The following TYRP1 variants were observed in gnomAD, a reference collection of about 807,000 sequenced individuals.
TYRP1 encodes the protein tyrosinase related protein 1, also known as 5,6-dihydroxyindole-2-carboxylic acid oxidase.
In TYRP1, 49 loss-of-function variants were observed where a neutral mutation model predicts 42.8. That is an observed-to-expected ratio of 1.14 (90% CI 0.91 to 1.45). TYRP1 has a LOEUF of 1.45. TYRP1 is among the 40% of genes most tolerant of loss of function. TYRP1 has a pLI of 0.00. For missense variants in TYRP1, 848 were observed against 662.0 expected, an observed-to-expected ratio of 1.28 and a Z score of -3.08; for synonymous variants, 279 against 235.4, an observed-to-expected ratio of 1.19 and a Z score of -1.69.
intron 3 of TYRP1, among the ~76,000 whole-genome samples, chr9:12,698,143 A>AC (rs1818106361): frequency 6.6e-6 from 1 of 152,124 alleles, no homozygotes; most frequent in Non-Finnish European, 1.5e-5. Context: ...TATAACCAAT[A>AC]TAAATGTAAT....
In TYRP1 at chr9:12,704,587, T is replaced by A; in HGVS notation, c.1143T>A (p.His381Gln). Reference protein sequence around the residue: ...PAVRSLHNLAHLFLNGTGGQT... With the variant: ...PAVRSLHNLAQLFLNGTGGQT... ...TTCGAAGTCTTCACAATTTGGCTCATCTATTCCTGAATGGAACAGGGGGAC... is the reference window on the plus strand; with the variant it reads ...TTCGAAGTCTTCACAATTTGGCTCAACTATTCCTGAATGGAACAGGGGGAC... The change falls in exon 6 of 8, where the codon CAT becomes CAA. Residue 381 changes from histidine to glutamine, a missense_variant. His to Gln is a conservative substitution (Grantham distance 24). Transcript: ENST00000388918. 6.2e-7 allele frequency: 1 copy of A among 1,613,208 alleles called. No homozygotes were observed. The highest frequency in any genetic ancestry group is 8.5e-7 in the Non-Finnish European group (1 of 1,179,492).
Position 12,698,565 on chromosome 9 carries a change from A to T in TYRP1, c.823A>T (p.Thr275Ser), listed in dbSNP as rs182508840. Residue 275 changes from threonine to serine, a missense_variant, in exon 4 of 8, where the codon ACT (threonine) becomes TCT (serine). By Grantham distance (58) the Thr-to-Ser change is moderately conservative. Coordinates refer to ENST00000388918, the MANE Select transcript of TYRP1 (RefSeq NM_000550.3). Reference protein sequence around the residue: ...LMGSRSNFDSTLISPNSVFSQ... With the variant: ...LMGSRSNFDSSLISPNSVFSQ... ...GGGATCCAGAAGCAACTTTGATTCC[A>T]CTCTAATAAGCCCAAACTCTGTCTT... The T allele has an allele frequency of 5.5e-5, 88 of 1,613,764 alleles. No individual in the cohort carries two copies. In the East Asian group the frequency reaches 8.0e-4, roughly 15 times the overall value.
chr9:12,708,940 T>C, intron 7 of TYRP1, 37 bp from the exon 8 acceptor site: 1 of 1,544,172 alleles, frequency 6.5e-7, no homozygotes, highest in Non-Finnish European at 8.9e-7. Flanking sequence ...ACTATTTTAA[T>C]ATTTGTCTTT....
In TYRP1 at chr9:12,709,039, G is replaced by GCACT. The variant is rs1563858593; in HGVS notation, c.1474_1477dup (p.Ile493ThrfsTer18). ...AGTAGTTGGCGCTTTGTTACTGGTT[G>GCACT]CACTCATTTTTGGGACTGCTTCTTA... On this transcript the variant is annotated frameshift_variant, in exon 8 of 8. Coordinates refer to ENST00000388918, the MANE Select transcript of TYRP1 (RefSeq NM_000550.3). LOFTEE classifies it high-confidence loss of function. The GCACT allele has an allele frequency of 6.2e-7, 1 of 1,612,764 alleles. No homozygotes were observed. Among genetic ancestry groups the GCACT allele is most frequent in the Non-Finnish European group, 8.5e-7 (1 of 1,179,266 alleles).
intron 6 of TYRP1, among the ~76,000 whole-genome samples, chr9:12,706,400 T>C (rs958939105): frequency 5.3e-5 from 8 of 152,044 alleles, no homozygotes; most frequent in Non-Finnish European, 1.2e-4. Context: ...TTATTTCACA[T>C]TGATAGCAAG....
chr9:12,701,680 T>C (rs1818171193), intron 4 of TYRP1: 1 of 152,666 alleles, frequency 6.6e-6, no homozygotes, highest in Admixed American at 6.6e-5. Flanking sequence ...AAGGCTCCTA[T>C]CATATTATCT....
intron 3 of TYRP1, among the ~76,000 whole-genome samples, chr9:12,698,022 A>G (rs1195964151): frequency 6.6e-6 from 1 of 152,174 alleles, no homozygotes; most frequent in Non-Finnish European, 1.5e-5. Flanking sequence ...AACATATTTT[A>G]AGGCTGGATC....
Position 12,709,398 on chromosome 9 carries a change from A to C in TYRP1, c.*216A>C. 1.8e-6 allele frequency: 1 copy of C among 564,622 alleles called. No homozygotes were observed. Among genetic ancestry groups the C allele is most frequent in the Non-Finnish European group, 3.2e-6 (1 of 316,338 alleles). 35.0% of individuals were successfully genotyped at this position (564,622 alleles called of 1,614,324 possible). On this transcript the variant is annotated 3_prime_UTR_variant, in exon 8 of 8. Transcript: ENST00000388918. ...TTTTCAGTTCTATTTAAAATGGTGA[A>C]TGACACTAAACTCCATGATATTTAA... is the stretch of plus-strand genomic sequence containing the variant.
At chr9:12,708,282 A>C in intron 7 of TYRP1, 139 bp downstream of exon 7, 3 of 1,062,330 alleles carry the variant, frequency 2.8e-6, no homozygotes, top group South Asian at 2.9e-5. Context: ...TTATTTGAGG[A>C]TAAGGGAAGG....
At position 12,708,103 on chromosome 9, in the gene TYRP1, T is replaced by C. The variant is rs1237117124; in HGVS notation, c.1368T>C (p.Ala456=). ...PVTNTEMFVT[A]PDNLGYTYEI... is the part of the protein sequence containing the mutation. ...CCAACACAGAAATGTTTGTTACTGC[T>C]CCAGACAACCTGGGATACACTTATG... is the stretch of plus-strand genomic sequence containing the variant. Residue 456 remains alanine (A), a synonymous_variant, in exon 7 of 8, where the codon GCT becomes GCC. Transcript: ENST00000388918. 1.2e-6 allele frequency: 2 copies of C among 1,612,844 alleles called. No individual in the cohort carries two copies. Among genetic ancestry groups the C allele is most frequent in the Non-Finnish European group, 1.7e-6 (2 of 1,179,306 alleles).
intron 6 of TYRP1, chr9:12,707,631 C>A: frequency 4.6e-6 from 1 of 216,014 alleles, no homozygotes; most frequent in Non-Finnish European, 9.1e-6. Flanking sequence ...GAGCTGTATG[C>A]CACAGCAAAT....
intron 4 of TYRP1, 53 bp downstream of exon 4, chr9:12,698,708 T>A: frequency 1.3e-6 from 2 of 1,542,572 alleles, no homozygotes; most frequent in Non-Finnish European, 1.8e-6. Context: ...ATAAAGAGAT[T>A]AAATATGTTG....
intron 3 of TYRP1, among the ~76,000 whole-genome samples, chr9:12,697,063 C>T (rs1437802183): frequency 6.6e-6 from 1 of 152,098 alleles, no homozygotes; most frequent in Non-Finnish European, 1.5e-5. Flanking sequence ...TCATCTGATA[C>T]TCTGAACGTC....
Position 12,709,280 on chromosome 9 carries a change from T to A in TYRP1, c.*98T>A, listed in dbSNP as rs1818316894. Reference sequence around the variant, plus strand: ...TGTATTTTCTTTCACTTTATTACCTTCTTTCTAATACAAGCATATGTTAGC... The same window carrying A: ...TGTATTTTCTTTCACTTTATTACCTACTTTCTAATACAAGCATATGTTAGC... On this transcript the variant is annotated 3_prime_UTR_variant, in exon 8 of 8. Coordinates refer to ENST00000388918, the MANE Select transcript of TYRP1 (RefSeq NM_000550.3). 3 of 1,199,284 alleles carry A rather than the reference T, an allele frequency of 2.5e-6. No individual in the cohort carries two copies. The highest frequency in any genetic ancestry group is 3.7e-6 in the Non-Finnish European group (3 of 816,498). 74.3% of individuals were successfully genotyped at this position (1,199,284 alleles called of 1,614,324 possible).
At chr9:12,698,737 C>A in intron 4 of TYRP1, 82 bp downstream of exon 4, 1 of 1,298,740 alleles carries the variant, frequency 7.7e-7, no homozygotes, top group Non-Finnish European at 1.1e-6. Flanking sequence ...GCCCTTCATT[C>A]TACTAGAGAA....
chr9:12,705,754 G>A (rs1287070503), intron 6 of TYRP1, among the ~76,000 whole-genome samples: 2 of 152,052 alleles, frequency 1.3e-5, no homozygotes, highest in African/African-American at 4.8e-5. Context: ...GGCTGAGGCA[G>A]GAGAATCACT....
intron 3 of TYRP1, among the ~76,000 whole-genome samples, chr9:12,697,511 C>T (rs965303626): frequency 3.3e-5 from 5 of 151,786 alleles, no homozygotes; most frequent in African/African-American, 4.8e-5. Context: ...TCTAAAACAC[C>T]CAAGGATAAG....
intron 6 of TYRP1, among the ~76,000 whole-genome samples, chr9:12,705,495 TA>T (rs1818243417): frequency 6.6e-6 from 1 of 152,094 alleles, no homozygotes; most frequent in Admixed American, 6.6e-5. Flanking sequence ...TAACGTCCTC[TA>T]ATCCAACCTA....
chr9:12,707,023 G>A (rs1250164426), intron 6 of TYRP1, among the ~76,000 whole-genome samples: 1 of 151,900 alleles, frequency 6.6e-6, no homozygotes, highest in Non-Finnish European at 1.5e-5. Flanking sequence ...ACATGAAATA[G>A]TACAATTGAG....
Sources: gnomAD v4.1 joint callset for allele counts (sites outside exome capture counted in the v4.1 genomes callset) on GRCh38, gnomAD v4.1.1 for gene constraint, MANE v1.5 for transcripts, NCBI Gene and HGNC (gene_info 2026-07-23, HGNC 2026-07-21) for gene names.